The following IL5RA variants were observed in gnomAD, a reference collection of about 807,000 sequenced individuals.
IL5RA encodes interleukin 5 receptor subunit alpha.
Under a neutral mutation model 50.0 loss-of-function variants are expected in IL5RA, and 49 were observed. The ratio of observed to expected loss-of-function variants is 0.98; its 90% CI spans 0.78 to 1.24. The LOEUF (loss-of-function observed/expected upper bound fraction) is 1.24. Ranked by LOEUF, IL5RA falls within the 50% of genes most tolerant of loss-of-function variation. IL5RA has a pLI of 0.00. For synonymous variants in IL5RA, 202 were observed against 174.0 expected, an observed-to-expected ratio of 1.16 and a Z score of -1.26; for missense variants, 600 against 500.4, an observed-to-expected ratio of 1.20 and a Z score of -1.90.
At chr3:3,076,274 AGCT>A (rs1350342473) in intron 10 of IL5RA, among the ~76,000 whole-genome samples, 3 of 152,222 alleles carry the variant, frequency 2.0e-5, no homozygotes, top group Non-Finnish European at 4.4e-5. Flanking sequence ...AGAAATTAAA[AGCT>A]GTCGACAACT....
At chr3:3,104,693 C>T (rs1375155952) in intron 3 of IL5RA, among the ~76,000 whole-genome samples, 5 of 152,158 alleles carry the variant, frequency 3.3e-5, no homozygotes, top group Non-Finnish European at 4.4e-5. Context: ...ACTTTGATTT[C>T]CCACTGTAGC....
chr3:3,088,089 C>G (rs530166914), intron 9 of IL5RA, among the ~76,000 whole-genome samples: 1 of 152,200 alleles, frequency 6.6e-6, no homozygotes, highest in African/African-American at 2.4e-5. Flanking sequence ...TGGGGGAAAA[C>G]TATAATGAGC....
intron 9 of IL5RA, among the ~76,000 whole-genome samples, chr3:3,085,340 A>T (rs147635170): frequency 6.6e-6 from 1 of 152,346 alleles, no homozygotes; most frequent in East Asian, 1.9e-4. Flanking sequence ...TTGCAAGATT[A>T]TTTTGGAAGG....
At chr3:3,097,439 A>G (rs537047833) in intron 7 of IL5RA, among the ~76,000 whole-genome samples, 2 of 152,230 alleles carry the variant, frequency 1.3e-5, no homozygotes, top group African/African-American at 2.4e-5. Flanking sequence ...CAGAAATTTC[A>G]CAAAACCTGT....
At chr3:3,101,973 C>A (rs1703674367) in intron 4 of IL5RA, 143 bp from the exon 5 acceptor site, 2 of 724,824 alleles carry the variant, frequency 2.8e-6, no homozygotes, top group African/African-American at 3.6e-5. Context: ...AAAGTCAAAA[C>A]AAAACCATTG....
chr3:3,101,819 T>A lies in IL5RA; in HGVS notation c.240A>T (p.Arg80Ser). The stretch of plus-strand genomic sequence containing the variant: ...TGGTTACACATTTGCTTTCAGTGAT[T>A]CTGGTTTCATACTAAAAATAAAACC... ...NAPKEDDYETRITESKCVTIL... is the reference protein window; with the variant it reads ...NAPKEDDYETSITESKCVTIL... Residue 80 changes from arginine (R) to serine (S), a missense_variant, in exon 5 of 12, where the codon AGA becomes AGT. By Grantham distance (110) the Arg-to-Ser change is moderately radical. Transcript: ENST00000446632. 6.2e-7 allele frequency: 1 copy of A among 1,613,794 alleles called. No individual in the cohort carries two copies. The highest frequency in any genetic ancestry group is 8.5e-7 in the Non-Finnish European group (1 of 1,179,918).
At chr3:3,104,746 G>A (rs530090780) in intron 3 of IL5RA, among the ~76,000 whole-genome samples, 157 bp downstream of exon 3, 2 of 152,100 alleles carry the variant, frequency 1.3e-5, no homozygotes, top group South Asian at 4.2e-4. Flanking sequence ...TTAAAATATG[G>A]CATGTTTAAA....
At chr3:3,091,602 T>C (rs185878437) in intron 9 of IL5RA, among the ~76,000 whole-genome samples, 2 of 152,210 alleles carry the variant, frequency 1.3e-5, no homozygotes, top group Admixed American at 1.3e-4. Context: ...CGTGGTGGCA[T>C]GTGCCTGCAG....
intron 11 of IL5RA, 43 bp downstream of exon 11, chr3:3,074,739 A>G (rs777528348): frequency 1.7e-6 from 2 of 1,196,224 alleles, no homozygotes; most frequent in Non-Finnish European, 2.5e-6. Flanking sequence ...AGGGGACTCA[A>G]CCCTGGACAC....
At chr3:3,098,099 C>T in intron 6 of IL5RA, 38 bp downstream of exon 6, 1 of 1,614,006 alleles carries the variant, frequency 6.2e-7, no homozygotes, top group Non-Finnish European at 8.5e-7. Context: ...TTGCAGGAAA[C>T]AACCATTTGC....
chr3:3,106,827 G>A (rs960858340), intron 2 of IL5RA, among the ~76,000 whole-genome samples: 2 of 152,026 alleles, frequency 1.3e-5, no homozygotes, highest in Non-Finnish European at 2.9e-5. Context: ...GGAATTCTAG[G>A]TCAGAAAAAA....
At chr3:3,075,657 A>G (rs1301508572) in intron 10 of IL5RA, among the ~76,000 whole-genome samples, 3 of 151,244 alleles carry the variant, frequency 2.0e-5, no homozygotes, top group South Asian at 4.2e-4. Context: ...CTGGAGTGCA[A>G]TGGTACGATC....
At chr3:3,102,634 A>G (rs13097038) in intron 4 of IL5RA, 41 bp downstream of exon 4, 25 of 1,385,966 alleles carry the variant, frequency 1.8e-5, no homozygotes, top group Non-Finnish European at 2.5e-5. Flanking sequence ...CAAAATGCAT[A>G]TTTATTCTCA....
At chr3:3,101,913 C>T in intron 4 of IL5RA, 83 bp from the exon 5 acceptor site, 1 of 1,259,992 alleles carries the variant, frequency 7.9e-7, no homozygotes, top group Middle Eastern at 2.7e-4. Flanking sequence ...GCATTTTCTT[C>T]TACTTTTTAA....
intron 4 of IL5RA, among the ~76,000 whole-genome samples, chr3:3,102,424 T>C (rs1703695733): frequency 6.6e-6 from 1 of 152,228 alleles, no homozygotes; most frequent in Non-Finnish European, 1.5e-5. Context: ...GCCTAAAAAG[T>C]TACTAAACAT....
rs556473510 is a variant in IL5RA, at chr3:3,078,869, G to C, written c.995-2242C>G. Among the ~76,000 whole-genome samples the C allele has an allele frequency of 1.7e-4, 26 of 151,692 alleles. 1 individual carries two copies. In the South Asian group the frequency reaches 2.3e-3, roughly 13 times the overall value. Reference sequence around the variant, plus strand: ...AAAAAAAAAATTATTTAAGGGATTCGGGCTGCTTCATTTCCCAGCTCTAAC... The same window carrying C: ...AAAAAAAAAATTATTTAAGGGATTCCGGCTGCTTCATTTCCCAGCTCTAAC... On this transcript the variant is annotated intron_variant, in intron 9 of 11. Coordinates refer to ENST00000446632, the MANE Select transcript of IL5RA (RefSeq NM_175726.4).
chr3:3,078,742 G>A (rs1372857095), intron 9 of IL5RA, among the ~76,000 whole-genome samples: 1 of 151,610 alleles, frequency 6.6e-6, no homozygotes, highest in Non-Finnish European at 1.5e-5. Context: ...GCTGAGGCAG[G>A]ACAATTGCTT....
intron 9 of IL5RA, among the ~76,000 whole-genome samples, chr3:3,085,902 G>T (rs550862959): frequency 1.7e-4 from 26 of 152,238 alleles, no homozygotes; most frequent in African/African-American, 6.3e-4. Context: ...GCTGTCTGCT[G>T]TGCCCCTGTC....
At chr3:3,080,722 T>C (rs1007918711) in intron 9 of IL5RA, among the ~76,000 whole-genome samples, 1 of 152,128 alleles carries the variant, frequency 6.6e-6, no homozygotes. Context: ...TGAGATAGAG[T>C]CTTGCTGTAT....
Sources: gnomAD v4.1 joint callset for allele counts (sites outside exome capture counted in the v4.1 genomes callset) on GRCh38, gnomAD v4.1.1 for gene constraint, MANE v1.5 for transcripts, NCBI Gene and HGNC (gene_info 2026-07-23, HGNC 2026-07-21) for gene names.